The following PPP3CA variants were observed in gnomAD, a reference collection of about 807,000 sequenced individuals.
PPP3CA encodes the protein protein phosphatase 3 catalytic subunit alpha, also known as CAM-PRP catalytic subunit.
PPP3CA carries 14 observed loss-of-function variants against 66.5 expected under a neutral mutation model. That is an observed-to-expected ratio of 0.21 (90% CI 0.14 to 0.33). The LOEUF is 0.33. Ranked by LOEUF, PPP3CA falls within the 10% of genes least tolerant of loss-of-function variation. The pLI, the probability that PPP3CA is intolerant of heterozygous loss-of-function variation, is 1.00. For missense variants in PPP3CA, 317 were observed against 639.5 expected (o/e 0.50, Z 5.44); for synonymous variants, 232 against 226.2 (o/e 1.03, Z -0.23).
intron 2 of PPP3CA, among the ~76,000 whole-genome samples, chr4:101,155,204 C>T (rs1016721299): frequency 3.9e-5 from 6 of 152,254 alleles, no homozygotes; most frequent in Admixed American, 1.3e-4. Flanking sequence ...AGGCAGAGGA[C>T]AAAATCTCAT....
chr4:101,093,731 A>G, intron 6 of PPP3CA, 45 bp downstream of exon 6: 2 of 1,512,234 alleles, frequency 1.3e-6, no homozygotes, highest in Non-Finnish European at 1.8e-6. Flanking sequence ...AAATCCTAGC[A>G]TTATGATGCA....
intron 2 of PPP3CA, among the ~76,000 whole-genome samples, chr4:101,193,276 C>T (rs1724669744): frequency 6.6e-6 from 1 of 152,126 alleles, no homozygotes; most frequent in African/African-American, 2.4e-5. Context: ...AATGTGTTGC[C>T]TCACTGATTT....
Position 101,235,606 on chromosome 4 carries a change from C to A in PPP3CA, c.59-39490G>T, listed in dbSNP as rs1401818123. On this transcript the variant is annotated intron_variant, in intron 1 of 13. Coordinates refer to ENST00000394854, the MANE Select transcript of PPP3CA (RefSeq NM_000944.5). ...AAGATTGTTTATGTTTCTCTATAAC[C>A]GTAAAAACTAAAAGGTGGCTAGGCA... Among the ~76,000 whole-genome samples the A allele has an allele frequency of 3.3e-5, 5 of 151,724 alleles. No homozygotes were observed. In the East Asian group the frequency reaches 5.8e-4, roughly 18 times the overall value.
intron 1 of PPP3CA, among the ~76,000 whole-genome samples, chr4:101,305,762 G>A (rs1728515343): frequency 6.6e-6 from 1 of 152,158 alleles, no homozygotes; most frequent in South Asian, 2.1e-4. Flanking sequence ...GCAGAAAACA[G>A]CAGGTTATGG....
At chr4:101,240,457 T>C (rs969197843) in intron 1 of PPP3CA, among the ~76,000 whole-genome samples, 3 of 152,090 alleles carry the variant, frequency 2.0e-5, no homozygotes, top group Non-Finnish European at 4.4e-5. Context: ...ACCCATTACA[T>C]GTCTGATGGG....
chr4:101,064,982 A>G (rs1728621708), intron 8 of PPP3CA, among the ~76,000 whole-genome samples: 1 of 152,002 alleles, frequency 6.6e-6, no homozygotes. Flanking sequence ...GGTTCCAGGG[A>G]ACATATAATC....
chr4:101,062,663 A>G (rs1728518512), intron 9 of PPP3CA, among the ~76,000 whole-genome samples: 3 of 151,984 alleles, frequency 2.0e-5, no homozygotes, highest in Non-Finnish European at 4.4e-5. Flanking sequence ...AAGTTAACAA[A>G]TAACTTTCTA....
intron 1 of PPP3CA, among the ~76,000 whole-genome samples, chr4:101,288,567 G>A (rs1210745427): frequency 2.0e-5 from 3 of 151,290 alleles, no homozygotes; most frequent in Admixed American, 6.6e-5. Flanking sequence ...GGGAGTGGTC[G>A]GAGGAGGGGA....
chr4:101,078,956 T>A (rs1015919843), intron 8 of PPP3CA, among the ~76,000 whole-genome samples: 2 of 152,184 alleles, frequency 1.3e-5, no homozygotes, highest in Non-Finnish European at 2.9e-5. Flanking sequence ...GCCTCCTTTC[T>A]TCCCCATGGT....
chr4:101,262,617 G>A (rs1232563035), intron 1 of PPP3CA, among the ~76,000 whole-genome samples: 2 of 152,096 alleles, frequency 1.3e-5, no homozygotes, highest in Non-Finnish European at 2.9e-5. Flanking sequence ...GGTAAGTAAG[G>A]TGCTCAAACA....
chr4:101,306,775 AACTCCCT>A (rs1194482357), intron 1 of PPP3CA, among the ~76,000 whole-genome samples: 3 of 152,124 alleles, frequency 2.0e-5, no homozygotes, highest in African/African-American at 7.2e-5. Flanking sequence ...AACCAAATGC[AACTCCCT>A]TATTTCATAT....
chr4:101,196,603 G>A (rs1252723330), intron 1 of PPP3CA, among the ~76,000 whole-genome samples: 1 of 152,144 alleles, frequency 6.6e-6, no homozygotes. Flanking sequence ...TCTACTCACT[G>A]TATAAGAAAA....
intron 2 of PPP3CA, among the ~76,000 whole-genome samples, chr4:101,171,742 A>G (rs1723888308): frequency 6.6e-6 from 1 of 152,156 alleles, no homozygotes; most frequent in Non-Finnish European, 1.5e-5. Flanking sequence ...TACTTGGTAA[A>G]AAACAGGCAT....
At chr4:101,326,262 T>C (rs1729205530) in intron 1 of PPP3CA, among the ~76,000 whole-genome samples, 2 of 152,208 alleles carry the variant, frequency 1.3e-5, no homozygotes, top group Non-Finnish European at 2.9e-5. Flanking sequence ...AAAATAATTT[T>C]TAAATGTTCT....
intron 8 of PPP3CA, 98 bp from the exon 9 acceptor site, chr4:101,063,455 G>A (rs1189455091): frequency 5.0e-6 from 7 of 1,393,036 alleles, no homozygotes; most frequent in Non-Finnish European, 6.8e-6. Context: ...TTTGACTGAA[G>A]TTCCAAAACA....
chr4:101,103,100 C>T (rs923096431), intron 3 of PPP3CA, among the ~76,000 whole-genome samples: 1 of 152,072 alleles, frequency 6.6e-6, no homozygotes, highest in Non-Finnish European at 1.5e-5. Context: ...ATATAATTTT[C>T]TTCGTTAATT....
intron 1 of PPP3CA, among the ~76,000 whole-genome samples, chr4:101,328,900 C>T (rs575543506): frequency 1.3e-5 from 2 of 152,142 alleles, no homozygotes; most frequent in African/African-American, 4.8e-5. Flanking sequence ...GCTGTGCTGA[C>T]CAGTCATTTA....
chr4:101,227,950 T>C (rs1725835899), intron 1 of PPP3CA, among the ~76,000 whole-genome samples: 2 of 151,748 alleles, frequency 1.3e-5, no homozygotes, highest in African/African-American at 4.8e-5. Context: ...ATTTATCACA[T>C]TTTCTTTATT....
intron 12 of PPP3CA, among the ~76,000 whole-genome samples, chr4:101,031,551 C>T (rs566276601): frequency 4.5e-4 from 69 of 152,120 alleles, no homozygotes; most frequent in Non-Finnish European, 9.0e-4. Flanking sequence ...TAAAAGAAAA[C>T]GTTTAGTTTC....
Sources: allele counts gnomAD v4.1 joint callset (sites outside exome capture counted in the v4.1 genomes callset), GRCh38; gene constraint gnomAD v4.1.1; transcripts MANE v1.5; gene names NCBI Gene and HGNC (gene_info 2026-07-23, HGNC 2026-07-21).